The following ITGB6 variants were observed in gnomAD, a reference collection of about 807,000 sequenced individuals.
ITGB6 encodes the protein integrin subunit beta 6, also known as integrin beta-6.
Under a neutral mutation model 84.5 loss-of-function variants are expected in ITGB6, and 80 were observed. The ratio of observed to expected loss-of-function variants is 0.95; its 90% CI spans 0.79 to 1.14. ITGB6 has a LOEUF of 1.14. Among genes scored for constraint, ITGB6 ranks in the 50% most tolerant of loss-of-function variants. ITGB6 has a pLI of 0.00. For synonymous variants in ITGB6, 383 were observed against 354.9 expected, an observed-to-expected ratio of 1.08 and a Z score of -0.89; for missense variants, 1,006 against 968.0, an observed-to-expected ratio of 1.04 and a Z score of -0.52.
Position 160,119,737 on chromosome 2 carries a change from G to A in ITGB6, c.1981+4054C>T, listed in dbSNP as rs1191705463. ...CATCAGAATGAACAGGCAACCTACA[G>A]AATGGGAGAAAATTTTCGCAACCTA... On this transcript the variant is annotated intron_variant, in intron 12 of 14. Coordinates refer to ENST00000283249, the MANE Select transcript of ITGB6 (RefSeq NM_000888.5). Among the ~76,000 whole-genome samples the A allele has an allele frequency of 6.8e-3, 1,037 of 151,684 alleles. 12 individuals carry two copies. Among genetic ancestry groups the A allele is most frequent in the African/African-American group, 0.024 (988 of 41,028 alleles).
intron 8 of ITGB6, among the ~76,000 whole-genome samples, chr2:160,139,023 G>A (rs1471755193): frequency 6.6e-6 from 1 of 152,142 alleles, no homozygotes; most frequent in East Asian, 1.9e-4. Context: ...TAGGGGGAAA[G>A]TGTGCCTTAA....
At chr2:160,126,960 G>C (rs1189667417) in intron 10 of ITGB6, among the ~76,000 whole-genome samples, 1 of 152,190 alleles carries the variant, frequency 6.6e-6, no homozygotes, top group Non-Finnish European at 1.5e-5. Context: ...ATGAGAGTGG[G>C]TGGTCCGACA....
chr2:160,198,805 T>C (rs570284436), intron 2 of ITGB6, among the ~76,000 whole-genome samples: 2 of 152,352 alleles, frequency 1.3e-5, no homozygotes, highest in African/African-American at 4.8e-5. Context: ...AACTATAATA[T>C]GAACATCAAA....
chr2:160,126,148 A>G lies in ITGB6; in HGVS notation c.1883+231T>C, dbSNP rs547059222. ...CTACTTCCCCACACTAGTCTCTAGC[A>G]GAAACGTGACATTGTGATTCTGGAT... On this transcript the variant is annotated intron_variant, in intron 11 of 14. Transcript: ENST00000283249. Among the ~76,000 whole-genome samples, 90 of 152,304 alleles carry G rather than the reference A, an allele frequency of 5.9e-4. 1 individual carries two copies. In the South Asian group the frequency reaches 0.018, roughly 31 times the overall value.
chr2:160,109,448 T>C lies in ITGB6; in HGVS notation c.2102-1603A>G, dbSNP rs573366012. On this transcript the variant is annotated intron_variant, in intron 13 of 14. Coordinates refer to ENST00000283249, the MANE Select transcript of ITGB6 (RefSeq NM_000888.5). Reference sequence around the variant, plus strand: ...TAGTATGTTCCTGTTCAAAGCAAGATGAAGCTTGCTACAATCCTGCACCTA... The same window carrying C: ...TAGTATGTTCCTGTTCAAAGCAAGACGAAGCTTGCTACAATCCTGCACCTA... Among the ~76,000 whole-genome samples, 3 of 152,288 alleles carry C rather than the reference T, an allele frequency of 2.0e-5. No individual in the cohort carries two copies. In the South Asian group the frequency reaches 6.2e-4, roughly 32 times the overall value.
Position 160,190,961 on chromosome 2 carries a change from G to C in ITGB6, c.593+4408C>G, listed in dbSNP as rs369665331. Among the ~76,000 whole-genome samples the C allele has an allele frequency of 2.0e-3, 310 of 152,264 alleles. 2 individuals are homozygous for C. The highest frequency in any genetic ancestry group is 7.2e-3 in the African/African-American group (298 of 41,556). The stretch of plus-strand genomic sequence containing the variant: ...GCAGAGGTGGCACTTTGGAGTTCTA[G>C]TTGGAATTGCCCTACTAATCTCTCT... On this transcript the variant is annotated intron_variant, in intron 4 of 14. Transcript: ENST00000283249.
chr2:160,149,264 A>G lies in ITGB6; in HGVS notation c.1018-7193T>C, dbSNP rs567672166. On this transcript the variant is annotated intron_variant, in intron 7 of 14. Transcript: ENST00000283249. ...AGAGCTTCCAGAAGAAGGATGAGAC[A>G]GCGATATTTGCTGTTCTGCAGCCTC... 4.6e-5 allele frequency among the ~76,000 whole-genome samples: 7 copies of G among 152,326 alleles called. No individual in the cohort carries two copies. The South Asian group carries it at 1.2e-3, about 27-fold the overall frequency.
intron 5 of ITGB6, among the ~76,000 whole-genome samples, chr2:160,173,385 C>T (rs1685292971): frequency 6.6e-6 from 1 of 152,200 alleles, no homozygotes; most frequent in African/African-American, 2.4e-5. Context: ...TTTCCTTCCT[C>T]CTCTAATTCC....
intron 12 of ITGB6, among the ~76,000 whole-genome samples, chr2:160,122,599 G>A (rs747804718): frequency 4.6e-5 from 7 of 152,136 alleles, no homozygotes; most frequent in African/African-American, 1.2e-4. Context: ...GTGCTTTCAT[G>A]TATCTCGCCT....
Position 160,109,221 on chromosome 2 carries a change from A to T in ITGB6, c.2102-1376T>A, listed in dbSNP as rs1697025808. On this transcript the variant is annotated intron_variant, in intron 13 of 14. Transcript: ENST00000283249. ...TTGTTCTTTGGCCAAGAAACCATGTAAAGAGATTATGCAGAAATAAGTAAA... is the reference window on the plus strand; with the variant it reads ...TTGTTCTTTGGCCAAGAAACCATGTTAAGAGATTATGCAGAAATAAGTAAA... Among the ~76,000 whole-genome samples the T allele has an allele frequency of 1.3e-5, 2 of 152,226 alleles. 1 individual carries two copies. The highest frequency in any genetic ancestry group is 4.1e-4 in the South Asian group (2 of 4,836).
At chr2:160,199,856 T>C (rs1161691533) in intron 1 of ITGB6, 147 bp downstream of exon 1, 2 of 641,504 alleles carry the variant, frequency 3.1e-6, no homozygotes, top group African/African-American at 1.9e-5. Context: ...CCGGTGTTTG[T>C]CTGTAATTTG....
chr2:160,130,210 C>T (rs1683412112), intron 10 of ITGB6, among the ~76,000 whole-genome samples: 1 of 151,958 alleles, frequency 6.6e-6, no homozygotes, highest in Non-Finnish European at 1.5e-5. Flanking sequence ...AGAAAAGGTA[C>T]AGTAAAAATA....
chr2:160,120,591 G>A (rs1231625745), intron 12 of ITGB6, among the ~76,000 whole-genome samples: 6 of 53,830 alleles, frequency 1.1e-4, no homozygotes, highest in Non-Finnish European at 1.9e-4. Context: ...TGGGTGCAGC[G>A]CACCAGCATG....
chr2:160,167,025 T>C lies in ITGB6; in HGVS notation c.1017+2187A>G, dbSNP rs1685022448. ...TGTGGCCTGTGCAGGCAAGTAACTA[T>C]GCTTAACGTGTAACTCGGGCAAATA... On this transcript the variant is annotated intron_variant, in intron 7 of 14. Transcript: ENST00000283249. 3.9e-5 allele frequency among the ~76,000 whole-genome samples: 6 copies of C among 152,262 alleles called. No homozygotes were observed. In the South Asian group the frequency reaches 1.2e-3, roughly 32 times the overall value.
At chr2:160,169,473 A>G (rs1231221150) in intron 6 of ITGB6, among the ~76,000 whole-genome samples, 166 bp from the exon 7 acceptor site, 2 of 152,228 alleles carry the variant, frequency 1.3e-5, no homozygotes, top group Admixed American at 6.5e-5. Context: ...TTATTCACTT[A>G]GTTGGTTTAA....
chr2:160,152,010 A>G (rs965842291), intron 7 of ITGB6, among the ~76,000 whole-genome samples: 2 of 152,176 alleles, frequency 1.3e-5, no homozygotes, highest in Non-Finnish European at 2.9e-5. Context: ...CCGAATTCTA[A>G]CAGAGATACA....
chr2:160,200,140 T>C lies in ITGB6; in HGVS notation c.-77A>G. 1 of 1,113,796 alleles carries C rather than the reference T, an allele frequency of 9.0e-7. No individual in the cohort carries two copies. Among genetic ancestry groups the C allele is most frequent in the Admixed American group, 1.8e-5 (1 of 54,106 alleles). 69.0% of individuals were successfully genotyped at this position (1,113,796 alleles called of 1,614,324 possible). Reference sequence around the variant, plus strand: ...GTTACAAGACCAACGCTGAATATCGTTAAAGTCTTTCTTTCTTGAAGTATA... The same window carrying C: ...GTTACAAGACCAACGCTGAATATCGCTAAAGTCTTTCTTTCTTGAAGTATA... On this transcript the variant is annotated 5_prime_UTR_variant, in exon 1 of 15. The change abolishes the stop of an existing upstream ORF in the 5' untranslated region. Transcript: ENST00000283249.
At chr2:160,190,009 GAATACTATGCAGCCATAAA>G (rs1380117974) in intron 4 of ITGB6, among the ~76,000 whole-genome samples, 1 of 152,110 alleles carries the variant, frequency 6.6e-6, no homozygotes, top group African/African-American at 2.4e-5. Flanking sequence ...ATACACCATG[GAATACTATGCAGCCATAAA>G]AAATAATGAG....
At chr2:160,170,063 T>C (rs1190751026) in intron 6 of ITGB6, among the ~76,000 whole-genome samples, 2 of 152,240 alleles carry the variant, frequency 1.3e-5, no homozygotes, top group African/African-American at 4.8e-5. Flanking sequence ...ATGTGAATAA[T>C]GTACAGAGGA....
Sources: gnomAD v4.1 joint callset for allele counts (sites outside exome capture counted in the v4.1 genomes callset) on GRCh38, gnomAD v4.1.1 for gene constraint, MANE v1.5 for transcripts, NCBI Gene and HGNC (gene_info 2026-07-23, HGNC 2026-07-21) for gene names.